Variants in GMDS observed in about 807,000 individuals in gnomAD.
GMDS encodes GDP-mannose 4,6 dehydratase.
Under a neutral mutation model 49.9 loss-of-function variants are expected in GMDS, and 20 were observed. That is an observed-to-expected ratio of 0.40 (90% CI 0.28 to 0.58). GMDS has a LOEUF of 0.58. Ranked by LOEUF, GMDS falls within the 20% of genes least tolerant of loss-of-function variation. The pLI is 0.42. For missense variants in GMDS, 362 were observed against 481.4 expected, an observed-to-expected ratio of 0.75 and a Z score of 2.32; for synonymous variants, 177 against 178.6, an observed-to-expected ratio of 0.99 and a Z score of 0.07.
intron 4 of GMDS, among the ~76,000 whole-genome samples, chr6:1,971,162 A>G (rs540243049): frequency 2.6e-5 from 4 of 152,282 alleles, no homozygotes; most frequent in Non-Finnish European, 4.4e-5. Context: ...GGAGCAAATT[A>G]TATATGCCAG....
intron 4 of GMDS, among the ~76,000 whole-genome samples, chr6:1,989,764 GCTCT>G (rs1765811838): frequency 6.6e-6 from 1 of 152,188 alleles, no homozygotes; most frequent in Admixed American, 6.5e-5. Flanking sequence ...CTGGCTAGCT[GCTCT>G]CTGTGACCCC....
intron 7 of GMDS, among the ~76,000 whole-genome samples, chr6:1,798,250 C>T (rs1280315962): frequency 2.1e-5 from 2 of 96,390 alleles, no homozygotes; most frequent in Non-Finnish European, 4.2e-5. Flanking sequence ...CACACACACA[C>T]ACACACACAC....
At chr6:1,989,614 A>G (rs1765797917) in intron 4 of GMDS, among the ~76,000 whole-genome samples, 1 of 152,218 alleles carries the variant, frequency 6.6e-6, no homozygotes, top group Non-Finnish European at 1.5e-5. Context: ...GAGTACCTAG[A>G]ACACTGTGGG....
intron 4 of GMDS, among the ~76,000 whole-genome samples, chr6:1,991,111 C>T (rs1765910697): frequency 6.6e-6 from 1 of 152,116 alleles, no homozygotes; most frequent in African/African-American, 2.4e-5. Context: ...AGACTATCCC[C>T]TTACCTCACC....
intron 4 of GMDS, among the ~76,000 whole-genome samples, chr6:2,026,719 A>G (rs1768623412): frequency 6.6e-6 from 1 of 152,238 alleles, no homozygotes. Flanking sequence ...ATGGATACAG[A>G]GCAAAGTGAA....
At chr6:2,112,348 A>G (rs1318198597) in intron 4 of GMDS, among the ~76,000 whole-genome samples, 3 of 152,166 alleles carry the variant, frequency 2.0e-5, no homozygotes, top group Non-Finnish European at 2.9e-5. Flanking sequence ...TCAAAAACCT[A>G]TATATTAAAG....
At chr6:2,021,178 C>A (rs968658675) in intron 4 of GMDS, among the ~76,000 whole-genome samples, 2 of 152,200 alleles carry the variant, frequency 1.3e-5, no homozygotes, top group South Asian at 4.1e-4. Flanking sequence ...TTTGATGAAT[C>A]ATTTGCTTTT....
intron 1 of GMDS, among the ~76,000 whole-genome samples, chr6:2,150,957 A>G (rs972857392): frequency 6.6e-6 from 1 of 152,134 alleles, no homozygotes; most frequent in Non-Finnish European, 1.5e-5. Flanking sequence ...ACACTGGCAA[A>G]TTTCCCTTAG....
At chr6:2,178,892 T>C (rs2127560283) in intron 1 of GMDS, among the ~76,000 whole-genome samples, 1 of 152,324 alleles carries the variant, frequency 6.6e-6, no homozygotes, top group East Asian at 1.9e-4. Context: ...TGTTAAAAAA[T>C]GGTGTATACC....
chr6:2,045,506 A>T (rs1769951330), intron 4 of GMDS, among the ~76,000 whole-genome samples: 1 of 152,120 alleles, frequency 6.6e-6, no homozygotes. Flanking sequence ...TAAGGTCAAA[A>T]TAATCCATTC....
intron 7 of GMDS, among the ~76,000 whole-genome samples, chr6:1,793,390 T>C (rs1769615777): frequency 6.6e-6 from 1 of 152,190 alleles, no homozygotes; most frequent in South Asian, 2.1e-4. Context: ...CAGATAAACT[T>C]ATAAATTCCA....
intron 4 of GMDS, among the ~76,000 whole-genome samples, chr6:1,976,912 A>C (rs1764935890): frequency 6.6e-6 from 1 of 152,206 alleles, no homozygotes; most frequent in South Asian, 2.1e-4. Flanking sequence ...TTTCTTTTGA[A>C]TATTGCTCAT....
At chr6:1,871,471 C>T (rs1342673390) in intron 7 of GMDS, among the ~76,000 whole-genome samples, 4 of 152,088 alleles carry the variant, frequency 2.6e-5, no homozygotes, top group Non-Finnish European at 5.9e-5. Flanking sequence ...TCAGGGAACA[C>T]AATCAAATAA....
intron 4 of GMDS, among the ~76,000 whole-genome samples, chr6:2,028,996 T>C (rs1561988331): frequency 7.1e-6 from 1 of 141,606 alleles, no homozygotes; most frequent in East Asian, 2.0e-4. Context: ...TTTTTCTTTC[T>C]TTCTTTTTTT....
At chr6:1,791,809 A>AT (rs566276970) in intron 7 of GMDS, among the ~76,000 whole-genome samples, 2 of 152,180 alleles carry the variant, frequency 1.3e-5, no homozygotes, top group African/African-American at 4.8e-5. Flanking sequence ...CAAATGACAC[A>AT]TTTTTTAATG....
intron 1 of GMDS, among the ~76,000 whole-genome samples, chr6:2,195,978 T>C (rs1779259984): frequency 1.3e-5 from 2 of 152,134 alleles, no homozygotes; most frequent in Admixed American, 1.3e-4. Flanking sequence ...AAGTAAATAA[T>C]CATAACATCC....
intron 7 of GMDS, among the ~76,000 whole-genome samples, chr6:1,928,943 TG>T (rs1762155801): frequency 6.6e-6 from 1 of 151,694 alleles, no homozygotes; most frequent in African/African-American, 2.4e-5. Context: ...CACTCTAGCC[TG>T]AGCAACAGAG....
intron 7 of GMDS, among the ~76,000 whole-genome samples, chr6:1,889,083 T>C (rs921392485): frequency 6.6e-6 from 1 of 152,178 alleles, no homozygotes; most frequent in Non-Finnish European, 1.5e-5. Flanking sequence ...TATTTTGCTG[T>C]ATTGTTATTT....
intron 7 of GMDS, among the ~76,000 whole-genome samples, chr6:1,861,304 G>A (rs1758171757): frequency 6.6e-6 from 1 of 152,184 alleles, no homozygotes; most frequent in Non-Finnish European, 1.5e-5. Flanking sequence ...GGGAAGAGAT[G>A]ATGAAACATA....
Sources: gnomAD v4.1 joint callset for allele counts (sites outside exome capture counted in the v4.1 genomes callset) on GRCh38, gnomAD v4.1.1 for gene constraint, MANE v1.5 for transcripts, NCBI Gene and HGNC (gene_info 2026-07-23, HGNC 2026-07-21) for gene names.